The following ZNF629 variants were observed in gnomAD, a reference collection of about 807,000 sequenced individuals.
The protein encoded by ZNF629 is DNA-binding protein.
ZNF629 carries 9 observed loss-of-function variants against 59.7 expected under a neutral mutation model. The ratio of observed to expected loss-of-function variants is 0.15; its 90% CI spans 0.09 to 0.26. The LOEUF (loss-of-function observed/expected upper bound fraction) is 0.26. Among genes scored for constraint, ZNF629 ranks in the 10% least tolerant of loss-of-function variants. The pLI is 1.00. For missense variants in ZNF629, 853 were observed against 1,165.4 expected (o/e 0.73, Z 3.90); for synonymous variants, 509 against 498.9 (o/e 1.02, Z -0.27).
At position 30,781,792 on chromosome 16, in the gene ZNF629, C is replaced by T. The variant is rs758366365; in HGVS notation, c.2536G>A (p.Glu846Lys). The change falls in exon 3 of 3, where the codon GAG becomes AAG. Residue 846 changes from glutamate to lysine, a missense_variant. By Grantham distance (56) the Glu-to-Lys change is moderately conservative. This residue lies in a region of ZNF629 where 420 missense variants were observed against 435.6 expected (regional missense o/e 0.96). Coordinates refer to ENST00000262525, the MANE Select transcript of ZNF629 (RefSeq NM_001080417.3). ...ACTTCTGTGAAGCCGGCTCCACACTCGGGGCACAGATAGGGCTTTTCTTCC... is the reference window on the plus strand; with the variant it reads ...ACTTCTGTGAAGCCGGCTCCACACTTGGGGCACAGATAGGGCTTTTCTTCC... The part of the protein sequence containing the change: ...LVEEKPYLCP[E>K]CGAGFTEVAA... 2.6e-5 allele frequency: 42 copies of T among 1,612,032 alleles called. No homozygotes were observed. Among genetic ancestry groups the T allele is most frequent in the Admixed American group, 2.3e-4 (14 of 59,644 alleles).
rs909226322 is a variant in ZNF629 at position 30,781,341 on chromosome 16, C to A, written c.*377G>T. 1.9e-5 allele frequency: 3 copies of A among 160,730 alleles called. No individual in the cohort carries two copies. The highest frequency in any genetic ancestry group is 7.2e-5 in the African/African-American group (3 of 41,684). 10.0% of individuals were successfully genotyped at this position (160,730 alleles called of 1,614,324 possible). ...TACTTCCCCGACCCTATAGGATTTTCCTAAGGATTTTGATACAATTTTATA... is the reference window on the plus strand; with the variant it reads ...TACTTCCCCGACCCTATAGGATTTTACTAAGGATTTTGATACAATTTTATA... On this transcript the variant is annotated 3_prime_UTR_variant, in exon 3 of 3. Transcript: ENST00000262525.
In ZNF629 at chr16:30,782,144, C is replaced by CAGA; in HGVS notation, c.2183_2184insTCT (p.Glu728delinsAspLeu). 2 of 1,613,198 alleles carry CAGA rather than the reference C, an allele frequency of 1.2e-6. No homozygotes were observed. Among genetic ancestry groups the CAGA allele is most frequent in the Non-Finnish European group, 1.7e-6 (2 of 1,179,738 alleles). On this transcript the variant is annotated protein_altering_variant, in exon 3 of 3. Coordinates refer to ENST00000262525, the MANE Select transcript of ZNF629 (RefSeq NM_001080417.3). Reference sequence around the variant, plus strand: ...CATGGACTTTCTGGTGCAGCAGCAGCTCAGAGCTGAGGCCAAAGCTTTGTT... The same window carrying CAGA: ...CATGGACTTTCTGGTGCAGCAGCAGCAGATCAGAGCTGAGGCCAAAGCTTTGTT...
rs763985596 is a variant in ZNF629 at position 30,779,693 on chromosome 16, A to G, written c.*2025T>C. The stretch of plus-strand genomic sequence containing the variant: ...ATCCTGCTGGGGCCAGGATAGACAA[A>G]TGGCGAAGGATTTGCATAAAGGTTG... On this transcript the variant is annotated 3_prime_UTR_variant, in exon 3 of 3. Coordinates refer to ENST00000262525, the MANE Select transcript of ZNF629 (RefSeq NM_001080417.3). The G allele has an allele frequency of 5.9e-5, 9 of 152,188 alleles. No individual in the cohort carries two copies. Among genetic ancestry groups the G allele is most frequent in the Admixed American group, 6.5e-5 (1 of 15,278 alleles). The allele number at this position is 152,188 out of a possible 1,614,324, so 9.4% of individuals were successfully genotyped here.
Position 30,781,013 on chromosome 16 carries a change from C to G in ZNF629, c.*705G>C, listed in dbSNP as rs1169846498. ...TAAGGGATTCCATAGGCCTCTTTCC[C>G]TAAAACACACAATGCATCTAACATT... On this transcript the variant is annotated 3_prime_UTR_variant, in exon 3 of 3. Transcript: ENST00000262525. 6.6e-6 allele frequency: 1 copy of G among 152,128 alleles called. No homozygotes were observed. Among genetic ancestry groups the G allele is most frequent in the Non-Finnish European group, 1.5e-5 (1 of 68,016 alleles). The allele number at this position is 152,128 out of a possible 1,614,324, so 9.4% of individuals were successfully genotyped here.
chr16:30,782,683 C>T lies in ZNF629; in HGVS notation c.1645G>A (p.Asp549Asn), dbSNP rs756066229. Residue 549 changes from aspartate (D) to asparagine (N), a missense_variant, in exon 3 of 3, where the codon GAC (aspartate) becomes AAC (asparagine). Around this residue, in one of 3 missense-constraint regions of ZNF629, gnomAD observed 420 missense variants for 435.6 expected, o/e 0.96. Transcript: ENST00000262525. ...GGGTCCCCGAGCCCCAGCAGGCTGTCGCCCTGGGCCCTACGCGCTGGGGTC... is the reference window on the plus strand; with the variant it reads ...GGGTCCCCGAGCCCCAGCAGGCTGTTGCCCTGGGCCCTACGCGCTGGGGTC... ...GKTPARRAQG[D>N]SLLGLGDPSL... The T allele has an allele frequency of 5.0e-6, 8 of 1,602,204 alleles. No homozygotes were observed. The highest frequency in any genetic ancestry group is 1.7e-4 in the Middle Eastern group (1 of 6,046).
rs2054283207 is a variant in ZNF629, at chr16:30,781,789, A to G, written c.2539T>C (p.Cys847Arg). 6.2e-7 allele frequency: 1 copy of G among 1,611,348 alleles called. No homozygotes were observed. Among genetic ancestry groups the G allele is most frequent in the African/African-American group, 1.3e-5 (1 of 74,564 alleles). Reference sequence around the variant, plus strand: ...GCGACTTCTGTGAAGCCGGCTCCACACTCGGGGCACAGATAGGGCTTTTCT... The same window carrying G: ...GCGACTTCTGTGAAGCCGGCTCCACGCTCGGGGCACAGATAGGGCTTTTCT... ...VEEKPYLCPECGAGFTEVAAL... is the reference protein window; with the variant it reads ...VEEKPYLCPERGAGFTEVAAL... The change falls in exon 3 of 3, where the codon TGT (cysteine) becomes CGT (arginine). Residue 847 changes from cysteine (C) to arginine (R), a missense_variant. Transcript: ENST00000262525.
At position 30,782,078 on chromosome 16, in the gene ZNF629, C is replaced by T; in HGVS notation, c.2250G>A (p.Lys750=). 6.3e-7 allele frequency: 1 copy of T among 1,580,692 alleles called. No individual in the cohort carries two copies. The highest frequency in any genetic ancestry group is 8.6e-7 in the Non-Finnish European group (1 of 1,163,284). The change falls in exon 3 of 3, where the codon AAG becomes AAA. Residue 750 remains lysine, a synonymous_variant. Coordinates refer to ENST00000262525, the MANE Select transcript of ZNF629 (RefSeq NM_001080417.3). ...KSSQKSPELG[K]SSSVLLEHLR... is the part of the protein sequence containing the mutation. ...GATGCTCCAGGAGGACGGAAGAGCTCTTCCCCAGCTCTGGACTCTTCTGGG... is the reference window on the plus strand; with the variant it reads ...GATGCTCCAGGAGGACGGAAGAGCTTTTCCCCAGCTCTGGACTCTTCTGGG...
Position 30,784,029 on chromosome 16 carries a change from A to G in ZNF629, c.299T>C (p.Val100Ala), listed in dbSNP as rs762211673. 4 of 1,575,118 alleles carry G rather than the reference A, an allele frequency of 2.5e-6. No homozygotes were observed. The African/African-American group carries it at 5.4e-5, about 21-fold the overall frequency. The part of the protein sequence containing the change: ...IPLDPPAPEV[V>A]PTPSDWTKAC... The stretch of plus-strand genomic sequence containing the variant: ...CTTGGTCCAGTCAGATGGGGTAGGG[A>G]CTACCTCCGGGGCTGGGGGGTCCAG... The change falls in exon 3 of 3, where the codon GTC becomes GCC. Residue 100 changes from valine (V) to alanine (A), a missense_variant. Val to Ala is a moderately conservative substitution (Grantham distance 64). Transcript: ENST00000262525.
Position 30,783,903 on chromosome 16 carries a change from C to T in ZNF629, c.425G>A (p.Arg142His), listed in dbSNP as rs532254873. ...GTAGGGCTTCTCCGCCCCCGCCGGG[C>T]GGCCCTGCACCAGCTCCCGCAGGCT... is the stretch of plus-strand genomic sequence containing the variant. Reference protein sequence around the residue: ...EPSLRELVQGRPAGAEKPYIC... With the variant: ...EPSLRELVQGHPAGAEKPYIC... Residue 142 changes from arginine to histidine, a missense_variant, in exon 3 of 3, where the codon CGC (arginine) becomes CAC (histidine). Arg to His is a conservative substitution (Grantham distance 29). This residue lies in a region of ZNF629 where 232 missense variants were observed against 193.4 expected (regional missense o/e 1.20). Transcript: ENST00000262525. The T allele has an allele frequency of 4.4e-6, 7 of 1,594,390 alleles. No homozygotes were observed. The South Asian group carries it at 7.9e-5, about 18-fold the overall frequency.
Position 30,781,591 on chromosome 16 carries a change from G to T in ZNF629, c.*127C>A. On this transcript the variant is annotated 3_prime_UTR_variant, in exon 3 of 3. Coordinates refer to ENST00000262525, the MANE Select transcript of ZNF629 (RefSeq NM_001080417.3). ...ATGTAAAAGCACTATTTTTTCCCAG[G>T]GTTCTTTCTCCTCCACTCCACTACC... 1.1e-6 allele frequency: 1 copy of T among 932,904 alleles called. No individual in the cohort carries two copies. The highest frequency in any genetic ancestry group is 1.5e-6 in the Non-Finnish European group (1 of 682,308). 57.8% of individuals were successfully genotyped at this position (932,904 alleles called of 1,614,324 possible).
chr16:30,782,348 C>G lies in ZNF629; in HGVS notation c.1980G>C (p.Lys660Asn). ...FSQRRGLLSSKTYICSHCGES... is the reference protein window; with the variant it reads ...FSQRRGLLSSNTYICSHCGES... The stretch of plus-strand genomic sequence containing the variant: ...CTCCGCAGTGGGAGCAGATGTAGGT[C>G]TTGGAGGACAGCAGCCCCCGCCTCT... The change falls in exon 3 of 3, where the codon AAG becomes AAC. Residue 660 changes from lysine (K) to asparagine (N), a missense_variant. Lys to Asn is a moderately conservative substitution (Grantham distance 94, BLOSUM62 0). Coordinates refer to ENST00000262525, the MANE Select transcript of ZNF629 (RefSeq NM_001080417.3). 2 of 1,586,586 alleles carry G rather than the reference C, an allele frequency of 1.3e-6. No individual in the cohort carries two copies. Among genetic ancestry groups the G allele is most frequent in the South Asian group, 1.1e-5 (1 of 88,286 alleles).
rs1220333514 is a variant in ZNF629, at chr16:30,780,395, G to A, written c.*1323C>T. 6.6e-6 allele frequency: 1 copy of A among 152,614 alleles called. No homozygotes were observed. Among genetic ancestry groups the A allele is most frequent in the Non-Finnish European group, 1.5e-5 (1 of 68,052 alleles). The allele number at this position is 152,614 out of a possible 1,614,324, so 9.5% of individuals were successfully genotyped here. A position where few individuals can be genotyped will look rare whatever the true frequency, so the allele number is the denominator to read the frequency against. ...AATAGCTGAAGTTTAAAATCAAGTT[G>A]CTGGCTAATCAAAGCTTTCTAAGAA... On this transcript the variant is annotated 3_prime_UTR_variant, in exon 3 of 3. Transcript: ENST00000262525.
chr16:30,782,731 G>C lies in ZNF629; in HGVS notation c.1597C>G (p.Arg533Gly). 6.2e-7 allele frequency: 1 copy of C among 1,613,124 alleles called. No individual in the cohort carries two copies. Among genetic ancestry groups the C allele is most frequent in the Non-Finnish European group, 8.5e-7 (1 of 1,179,826 alleles). ...GTCTTCCCCCTCTCATGGATCACCC[G>C]GTGCTGCTCCAGCTCGTGGGCTTCC... ...FLEAHELEQH[R>G]VIHERGKTPA... The change falls in exon 3 of 3, where the codon CGG (arginine) becomes GGG (glycine). Residue 533 changes from arginine to glycine, a missense_variant. Transcript: ENST00000262525.
rs1185182726 is a variant in ZNF629 at position 30,783,353 on chromosome 16, C to T, written c.975G>A (p.Lys325=). 4 of 1,613,540 alleles carry T rather than the reference C, an allele frequency of 2.5e-6. No individual in the cohort carries two copies. Among genetic ancestry groups the T allele is most frequent in the Non-Finnish European group, 3.4e-6 (4 of 1,179,930 alleles). Residue 325 remains lysine, a synonymous_variant, in exon 3 of 3, where the codon AAG becomes AAA. Transcript: ENST00000262525. The part of the protein sequence containing the change: ...EKPYRCTECG[K]SFIQSSELTQ... ...TCAGCTCCGAGCTCTGGATGAAGCTCTTCCCGCACTCGGTGCAGCGGTATG... is the reference window on the plus strand; with the variant it reads ...TCAGCTCCGAGCTCTGGATGAAGCTTTTCCCGCACTCGGTGCAGCGGTATG...
Position 30,786,395 on chromosome 16 carries a change from A to T in ZNF629, c.-34+633T>A, listed in dbSNP as rs1324563374. On this transcript the variant is annotated intron_variant, in intron 1 of 2. Transcript: ENST00000262525. The surrounding 1 kb of genome is among the most constrained non-coding windows in gnomAD (Gnocchi z 4.8). The stretch of plus-strand genomic sequence containing the variant: ...AAAAAATTCTCCCCTAGTGGTCCAG[A>T]GTAGGAGGGAAAGGGTTAATGACAG... Among the ~76,000 whole-genome samples, 1 of 152,004 alleles carries T rather than the reference A, an allele frequency of 6.6e-6. No homozygotes were observed. Among genetic ancestry groups the T allele is most frequent in the Non-Finnish European group, 1.5e-5 (1 of 67,970 alleles).
chr16:30,784,392 C>T lies in ZNF629; in HGVS notation c.73+18G>A, dbSNP rs1233536440. 6.4e-7 allele frequency: 1 copy of T among 1,558,460 alleles called. No homozygotes were observed. The highest frequency in any genetic ancestry group is 8.7e-7 in the Non-Finnish European group (1 of 1,153,752). On this transcript the variant is annotated intron_variant, in intron 2 of 2. Coordinates refer to ENST00000262525, the MANE Select transcript of ZNF629 (RefSeq NM_001080417.3). ...CCACCGTCTTGCCGGGACCGCAGCC[C>T]CTTCTTGTGCCCCTCACCTCTGTGA...
rs962653195 is a variant in ZNF629, at chr16:30,781,344, A to G, written c.*374T>C. Reference sequence around the variant, plus strand: ...TTCCCCGACCCTATAGGATTTTCCTAAGGATTTTGATACAATTTTATAGGG... The same window carrying G: ...TTCCCCGACCCTATAGGATTTTCCTGAGGATTTTGATACAATTTTATAGGG... On this transcript the variant is annotated 3_prime_UTR_variant, in exon 3 of 3. Coordinates refer to ENST00000262525, the MANE Select transcript of ZNF629 (RefSeq NM_001080417.3). 1.2e-5 allele frequency: 2 copies of G among 160,446 alleles called. No homozygotes were observed. The highest frequency in any genetic ancestry group is 6.4e-5 in the Admixed American group (1 of 15,618). The allele number at this position is 160,446 out of a possible 1,614,324, so 9.9% of individuals were successfully genotyped here. A position where few individuals can be genotyped will look rare whatever the true frequency, so the allele number is the denominator to read the frequency against.
Position 30,782,255 on chromosome 16 carries a change from G to C in ZNF629, c.2073C>G (p.Leu691=), listed in dbSNP as rs370428144. ...CTAGGCCAATTCTATAATCAGGAAA[G>C]AGAAAGGGCTTTTCGTTGCCGTGGG... The part of the protein sequence containing the change: ...QLTHGNEKPF[L]FPDYRIGLGE... The change falls in exon 3 of 3, where the codon CTC becomes CTG. Residue 691 remains leucine, a synonymous_variant. Transcript: ENST00000262525. The C allele has an allele frequency of 7.4e-6, 12 of 1,613,434 alleles. No homozygotes were observed. In the Middle Eastern group the frequency reaches 4.9e-4, roughly 66 times the overall value.
rs1374152856 is a variant in ZNF629 at position 30,782,681 on chromosome 16, G to A, written c.1647C>T (p.Asp549=). The A allele has an allele frequency of 6.2e-7, 1 of 1,601,586 alleles. No homozygotes were observed. The highest frequency in any genetic ancestry group is 1.7e-5 in the Admixed American group (1 of 57,372). ...AGGGGTCCCCGAGCCCCAGCAGGCTGTCGCCCTGGGCCCTACGCGCTGGGG... is the reference window on the plus strand; with the variant it reads ...AGGGGTCCCCGAGCCCCAGCAGGCTATCGCCCTGGGCCCTACGCGCTGGGG... ...GKTPARRAQG[D]SLLGLGDPSL... is the part of the protein sequence containing the mutation. Residue 549 remains aspartate, a synonymous_variant, in exon 3 of 3, where the codon GAC becomes GAT. Transcript: ENST00000262525.
Sources: allele counts gnomAD v4.1 joint callset (sites outside exome capture counted in the v4.1 genomes callset), GRCh38; gene constraint gnomAD v4.1.1; regional missense constraint gnomAD v4.1.1; non-coding constraint Gnocchi (gnomAD v3.1); transcripts MANE v1.5; gene names NCBI Gene and HGNC (gene_info 2026-07-23, HGNC 2026-07-21).